SGCZ: variants seen among roughly 807,000 people sequenced by gnomAD.
The protein encoded by SGCZ is zeta-sarcoglycan.
SGCZ carries 40 observed loss-of-function variants against 41.3 expected under a neutral mutation model. The observed-to-expected ratio is 0.97, with a 90% confidence interval of 0.75 to 1.26. The LOEUF (loss-of-function observed/expected upper bound fraction) is 1.26. Ranked by LOEUF, SGCZ falls within the 50% of genes most tolerant of loss-of-function variation. The probability of loss-of-function intolerance (pLI) is 0.00; values close to 1 mark genes in which losing one functional copy is unlikely to be tolerated. For missense variants in SGCZ, 552 were observed against 369.8 expected (o/e 1.49, Z -4.04); for synonymous variants, 206 against 137.5 (o/e 1.50, Z -3.49).
Position 14,997,227 on chromosome 8 carries a change from G to C in SGCZ, c.39+240358C>G, listed in dbSNP as rs367897770. Among the ~76,000 whole-genome samples, 6 of 152,146 alleles carry C rather than the reference G, an allele frequency of 3.9e-5. No homozygotes were observed. In the East Asian group the frequency reaches 9.7e-4, roughly 25 times the overall value. On this transcript the variant is annotated intron_variant, in intron 1 of 7. Transcript: ENST00000382080. ...CATAATTAATAGGTTAATAGTATTC[G>C]ATTCTAGGTTCCTTTAAAATTATTA...
At chr8:14,156,834 A>T (rs1803891116) in intron 5 of SGCZ, among the ~76,000 whole-genome samples, 1 of 152,166 alleles carries the variant, frequency 6.6e-6, no homozygotes, top group Admixed American at 6.5e-5. Flanking sequence ...AGGTCTTCAG[A>T]GACAATAACA....
At chr8:14,256,840 C>T (rs1189150121) in intron 3 of SGCZ, among the ~76,000 whole-genome samples, 1 of 152,180 alleles carries the variant, frequency 6.6e-6, no homozygotes, top group South Asian at 2.1e-4. Flanking sequence ...TTTACTCTTA[C>T]TTTAATTACA....
intron 1 of SGCZ, among the ~76,000 whole-genome samples, chr8:14,803,616 T>A (rs1005255319): frequency 2.6e-5 from 4 of 152,000 alleles, no homozygotes; most frequent in Non-Finnish European, 5.9e-5. Context: ...CACAGCAGTC[T>A]GAGATCAAAC....
intron 1 of SGCZ, among the ~76,000 whole-genome samples, chr8:14,924,387 A>C (rs1256818815): frequency 6.6e-5 from 10 of 152,222 alleles, no homozygotes; most frequent in Non-Finnish European, 1.5e-5. Context: ...ACATGACACT[A>C]GAGATGAAAG....
chr8:14,794,630 C>T lies in SGCZ; in HGVS notation c.40-239704G>A, dbSNP rs140980737. On this transcript the variant is annotated intron_variant, in intron 1 of 7. Transcript: ENST00000382080. The stretch of plus-strand genomic sequence containing the variant: ...GAAAGAAGTTAGAAAATAAAAATAG[C>T]ATCATCAGAATGTTTTGTAAAATTT... 2.8e-3 allele frequency among the ~76,000 whole-genome samples: 433 copies of T among 152,240 alleles called. 2 individuals are homozygous for T. The highest frequency in any genetic ancestry group is 9.9e-3 in the African/African-American group (411 of 41,558).
intron 1 of SGCZ, among the ~76,000 whole-genome samples, chr8:14,603,572 A>G (rs1023479967): frequency 6.6e-6 from 1 of 152,190 alleles, no homozygotes; most frequent in African/African-American, 2.4e-5. Context: ...CAAGATCATG[A>G]TAAAGGTTTT....
intron 3 of SGCZ, among the ~76,000 whole-genome samples, chr8:14,279,100 C>A (rs1800334470): frequency 6.6e-6 from 1 of 152,026 alleles, no homozygotes; most frequent in African/African-American, 2.4e-5. Flanking sequence ...TAATTACCAT[C>A]TTAGGTTGAA....
chr8:15,012,981 T>C (rs969636368), intron 1 of SGCZ, among the ~76,000 whole-genome samples: 3 of 152,002 alleles, frequency 2.0e-5, no homozygotes, highest in African/African-American at 7.2e-5. Context: ...CTTAGGTTTA[T>C]ATTTGGAAAA....
At chr8:14,920,604 A>C (rs1176148455) in intron 1 of SGCZ, among the ~76,000 whole-genome samples, 2 of 152,214 alleles carry the variant, frequency 1.3e-5, no homozygotes, top group Non-Finnish European at 2.9e-5. Flanking sequence ...TAACAGATTA[A>C]GAAGATATCA....
intron 3 of SGCZ, among the ~76,000 whole-genome samples, chr8:14,316,420 G>A (rs990541874): frequency 1.3e-5 from 2 of 151,750 alleles, no homozygotes; most frequent in Non-Finnish European, 2.9e-5. Context: ...TAAGAAAAAT[G>A]ATAAAATCAT....
chr8:14,501,044 T>A (rs1802137418), intron 2 of SGCZ, among the ~76,000 whole-genome samples: 1 of 152,060 alleles, frequency 6.6e-6, no homozygotes, highest in African/African-American at 2.4e-5. Context: ...AAAGGGATCC[T>A]CAATGGGTCA....
At chr8:14,905,206 C>T (rs539226592) in intron 1 of SGCZ, among the ~76,000 whole-genome samples, 2 of 151,968 alleles carry the variant, frequency 1.3e-5, no homozygotes, top group African/African-American at 2.4e-5. Flanking sequence ...TAAAATATAA[C>T]AAACACTTCC....
intron 1 of SGCZ, among the ~76,000 whole-genome samples, chr8:15,044,859 A>G (rs951597519): frequency 6.6e-6 from 1 of 152,064 alleles, no homozygotes; most frequent in Non-Finnish European, 1.5e-5. Context: ...AGGTAATTTT[A>G]TATTATTTAA....
At chr8:14,581,598 G>C (rs1804891211) in intron 1 of SGCZ, among the ~76,000 whole-genome samples, 1 of 152,026 alleles carries the variant, frequency 6.6e-6, no homozygotes, top group African/African-American at 2.4e-5. Flanking sequence ...TTTGTCCAGA[G>C]GCAAAACAGA....
intron 1 of SGCZ, among the ~76,000 whole-genome samples, chr8:15,168,795 G>A (rs1428315074): frequency 1.3e-5 from 2 of 152,066 alleles, no homozygotes; most frequent in Non-Finnish European, 2.9e-5. Flanking sequence ...CCATATGACG[G>A]GACCCTCCCC....
At chr8:14,889,905 A>G (rs771962127) in intron 1 of SGCZ, among the ~76,000 whole-genome samples, 7 of 152,166 alleles carry the variant, frequency 4.6e-5, no homozygotes, top group Non-Finnish European at 7.3e-5. Context: ...CTTTAAATAA[A>G]GAGCTAGAAA....
At chr8:14,894,965 C>CA (rs1167440928) in intron 1 of SGCZ, among the ~76,000 whole-genome samples, 6 of 151,888 alleles carry the variant, frequency 4.0e-5, no homozygotes, top group East Asian at 1.9e-4. Context: ...ATGCTAAATG[C>CA]AAAAAAATCT....
intron 2 of SGCZ, among the ~76,000 whole-genome samples, chr8:14,335,225 G>A (rs1802468023): frequency 6.6e-6 from 1 of 152,096 alleles, no homozygotes; most frequent in Non-Finnish European, 1.5e-5. Flanking sequence ...GACTAAAGAA[G>A]TCCCTTGGAG....
At chr8:14,873,530 C>T (rs927955361) in intron 1 of SGCZ, among the ~76,000 whole-genome samples, 1 of 152,002 alleles carries the variant, frequency 6.6e-6, no homozygotes, top group African/African-American at 2.4e-5. Flanking sequence ...ACACAGATGT[C>T]AATCACTTGA....
Sources: gnomAD v4.1 joint callset for allele counts (sites outside exome capture counted in the v4.1 genomes callset) on GRCh38, gnomAD v4.1.1 for gene constraint, MANE v1.5 for transcripts, NCBI Gene and HGNC (gene_info 2026-07-23, HGNC 2026-07-21) for gene names.